The following PAXBP1 variants were observed in gnomAD, a reference collection of about 807,000 sequenced individuals.
The protein encoded by PAXBP1 is PAX3- and PAX7-binding protein 1.
PAXBP1 carries 44 observed loss-of-function variants against 119.9 expected under a neutral mutation model. The ratio of observed to expected loss-of-function variants is 0.37; its 90% confidence interval spans 0.29 to 0.47. The LOEUF (loss-of-function observed/expected upper bound fraction) is 0.47, where lower values mean the gene tolerates loss of function less well. PAXBP1 is among the 20% of genes least tolerant of loss of function. The pLI is 0.99. For synonymous variants in PAXBP1, 393 were observed against 406.6 expected, an observed-to-expected ratio of 0.97 and a Z score of 0.40; for missense variants, 898 against 1,134.1, an observed-to-expected ratio of 0.79 and a Z score of 2.99.
At position 32,771,656 on chromosome 21, in the gene PAXBP1, C is replaced by G; in HGVS notation, c.13G>C (p.Ala5Pro). The G allele has an allele frequency of 2.1e-6, 3 of 1,428,942 alleles. No homozygotes were observed. Among genetic ancestry groups the G allele is most frequent in the Non-Finnish European group, 2.7e-6 (3 of 1,094,484 alleles). 88.5% of individuals were successfully genotyped at this position (1,428,942 alleles called of 1,614,324 possible). The change falls in exon 1 of 18, where the codon GCC becomes CCC. Residue 5 changes from alanine to proline, a missense_variant. Ala to Pro is a conservative substitution (Grantham distance 27). Coordinates refer to ENST00000331923, the MANE Select transcript of PAXBP1 (RefSeq NM_016631.4). ...CGCTTGCGCACGTTCACCCGCCGGG[C>G]CTTTCGGAACATCCCCGCGGCCCGC... MFRK[A>P]RRVNVRKRND...
Position 32,771,754 on chromosome 21 carries a change from C to G in PAXBP1, c.-86G>C, listed in dbSNP as rs1601618287. 5 of 1,197,470 alleles carry G rather than the reference C, an allele frequency of 4.2e-6. No homozygotes were observed. The highest frequency in any genetic ancestry group is 6.3e-5 in the East Asian group (2 of 31,552). 74.2% of individuals were successfully genotyped at this position (1,197,470 alleles called of 1,614,324 possible). A position where few individuals can be genotyped will look rare whatever the true frequency, so the allele number is the denominator to read the frequency against. On this transcript the variant is annotated 5_prime_UTR_variant, in exon 1 of 18. Transcript: ENST00000331923. ...GCTCGTGACGGCGCACGCGCGCTCT[C>G]CGGAGCTCCAGCCGGGTCGAGTCCT...
At chr21:32,748,088 A>G (rs1264249054) in intron 11 of PAXBP1, among the ~76,000 whole-genome samples, 1 of 151,896 alleles carries the variant, frequency 6.6e-6, no homozygotes, top group Non-Finnish European at 1.5e-5. Flanking sequence ...TGCCTGGCCT[A>G]TCAATTTTTC....
intron 7 of PAXBP1, chr21:32,755,739 T>C (rs2044033581): frequency 6.2e-6 from 1 of 161,000 alleles, no homozygotes; most frequent in Non-Finnish European, 1.4e-5. Flanking sequence ...TTGCGATTTT[T>C]GTAGTTCAAA....
chr21:32,752,978 A>G (rs1481932505), intron 8 of PAXBP1, among the ~76,000 whole-genome samples: 1 of 152,056 alleles, frequency 6.6e-6, no homozygotes, highest in Non-Finnish European at 1.5e-5. Flanking sequence ...ATTTCAAAAT[A>G]GCTCTGAAAT....
intron 11 of PAXBP1, 96 bp downstream of exon 11, chr21:32,748,403 A>G (rs564973557): frequency 8.2e-7 from 1 of 1,221,272 alleles, no homozygotes; most frequent in African/African-American, 1.5e-5. Flanking sequence ...TCACCCCTGC[A>G]AAATATTTTG....
At chr21:32,766,912 G>A (rs546409394) in intron 2 of PAXBP1, among the ~76,000 whole-genome samples, 2 of 152,234 alleles carry the variant, frequency 1.3e-5, no homozygotes, top group Admixed American at 6.5e-5. Context: ...TCACACAAGC[G>A]ACCATCATCT....
At chr21:32,744,130 C>T (rs993539511) in intron 13 of PAXBP1, among the ~76,000 whole-genome samples, 9 of 151,942 alleles carry the variant, frequency 5.9e-5, no homozygotes, top group Non-Finnish European at 1.2e-4. Context: ...AGTTATAAAA[C>T]AGTATCTAGT....
At chr21:32,738,057 G>A (rs1325664935) in intron 16 of PAXBP1, 116 bp downstream of exon 16, 2 of 1,068,102 alleles carry the variant, frequency 1.9e-6, no homozygotes, top group Non-Finnish European at 2.6e-6. Context: ...AACCTTACAT[G>A]CAAGTCCAGT....
In PAXBP1 at chr21:32,771,442, C is replaced by G. The variant is rs1244268746; in HGVS notation, c.227G>C (p.Gly76Ala). ...CTCCGCGCCGCCGGGGAAGCCGCCC[C>G]CGGCCTCAGCCCCGAGGCCCGGGGT... ...ALTPGLGAEA[G>A]GGFPGGAEPG... Residue 76 changes from glycine (G) to alanine (A), a missense_variant, in exon 1 of 18, where the codon GGG (glycine) becomes GCG (alanine). Around this residue, in one of 2 missense-constraint regions of PAXBP1, gnomAD observed 299 missense variants for 281.4 expected, o/e 1.06. Coordinates refer to ENST00000331923, the MANE Select transcript of PAXBP1 (RefSeq NM_016631.4). 11 of 1,499,286 alleles carry G rather than the reference C, an allele frequency of 7.3e-6. No homozygotes were observed. Among genetic ancestry groups the G allele is most frequent in the Non-Finnish European group, 9.7e-6 (11 of 1,132,984 alleles). The allele number at this position is 1,499,286 out of a possible 1,614,324, so 92.9% of individuals were successfully genotyped here.
At position 32,734,927 on chromosome 21, in the gene PAXBP1, A is replaced by C. The variant is rs1365014512; in HGVS notation, c.*23T>G. 2 of 1,559,900 alleles carry C rather than the reference A, an allele frequency of 1.3e-6. No homozygotes were observed. Among genetic ancestry groups the C allele is most frequent in the Admixed American group, 3.3e-5 (2 of 59,774 alleles). On this transcript the variant is annotated 3_prime_UTR_variant, in exon 18 of 18. Transcript: ENST00000331923. ...CACATTGGGAATGGTAATCAAGCAA[A>C]TAGGTTTTTCAGTCTCATAGATCTA...
chr21:32,743,159 G>T, intron 15 of PAXBP1, 89 bp downstream of exon 15: 2 of 899,590 alleles, frequency 2.2e-6, no homozygotes, highest in Non-Finnish European at 3.6e-6. Context: ...CTAAGCCTAT[G>T]GAGTTAATAA....
At chr21:32,751,561 T>C in intron 8 of PAXBP1, 1 of 171,238 alleles carries the variant, frequency 5.8e-6, no homozygotes, top group Admixed American at 5.8e-5. Context: ...CTAAATTACC[T>C]GTGCAAAGGG....
chr21:32,750,790 G>A (rs2146489107), intron 10 of PAXBP1, 127 bp downstream of exon 10: 1 of 667,716 alleles, frequency 1.5e-6, no homozygotes, highest in East Asian at 2.8e-5. Flanking sequence ...GCAAATTTCT[G>A]CAATTAAAAA....
Position 32,743,324 on chromosome 21 carries a change from A to T in PAXBP1, c.2268-10T>A, listed in dbSNP as rs1454719881. ...TTTATTTTCTAAGACACTAAGTAAA[A>T]AAAAGAGAAACATATCATGATCAGA... On this transcript the variant is annotated splice_polypyrimidine_tract_variant and intron_variant, in intron 14 of 17. Transcript: ENST00000331923. 6.6e-7 allele frequency: 1 copy of T among 1,520,622 alleles called. No homozygotes were observed. Among genetic ancestry groups the T allele is most frequent in the East Asian group, 2.3e-5 (1 of 43,974 alleles). The allele number at this position is 1,520,622 out of a possible 1,614,324, so 94.2% of individuals were successfully genotyped here.
rs1201761835 is a variant in PAXBP1 at position 32,760,117 on chromosome 21, T to C, written c.976-123A>G. On this transcript the variant is annotated intron_variant, in intron 5 of 17. Coordinates refer to ENST00000331923, the MANE Select transcript of PAXBP1 (RefSeq NM_016631.4). Reference sequence around the variant, plus strand: ...CTATTTGCCAAATATTATGTAATAATTGCAGAATTCTTCAAAATTAGATAA... The same window carrying C: ...CTATTTGCCAAATATTATGTAATAACTGCAGAATTCTTCAAAATTAGATAA... 6 of 709,266 alleles carry C rather than the reference T, an allele frequency of 8.5e-6. No homozygotes were observed. In the African/African-American group the frequency reaches 1.1e-4, roughly 13 times the overall value. 43.9% of individuals were successfully genotyped at this position (709,266 alleles called of 1,614,324 possible).
intron 8 of PAXBP1, among the ~76,000 whole-genome samples, chr21:32,754,751 C>G (rs2044016456): frequency 6.6e-6 from 1 of 152,136 alleles, no homozygotes; most frequent in Non-Finnish European, 1.5e-5. Flanking sequence ...AAGCTCAAAA[C>G]TCTCCTATCT....
intron 2 of PAXBP1, among the ~76,000 whole-genome samples, chr21:32,767,629 A>G (rs1713393380): frequency 6.6e-6 from 1 of 152,216 alleles, no homozygotes; most frequent in Non-Finnish European, 1.5e-5. Context: ...ATGACAGTGA[A>G]TAAGTCTCAC....
In PAXBP1 at chr21:32,735,041, A is replaced by G. The variant is rs1302257917; in HGVS notation, c.2663T>C (p.Leu888Pro). ...ARENIKQIVK[L>P]LASVRALDHA... is the part of the protein sequence containing the mutation. ...ATCCAAAGCTCGAACACTTGCAAGGAGTTTTACTATCTGTTTTATGTTTTC... is the reference window on the plus strand; with the variant it reads ...ATCCAAAGCTCGAACACTTGCAAGGGGTTTTACTATCTGTTTTATGTTTTC... Residue 888 changes from leucine (L) to proline (P), a missense_variant, in exon 18 of 18, where the codon CTC (leucine) becomes CCC (proline). Leu to Pro is a moderately conservative substitution (Grantham distance 98). This residue lies in a region of PAXBP1 where 599 missense variants were observed against 852.7 expected (regional missense o/e 0.70). Transcript: ENST00000331923. The G allele has an allele frequency of 6.2e-7, 1 of 1,613,358 alleles. No homozygotes were observed. Among genetic ancestry groups the G allele is most frequent in the Non-Finnish European group, 8.5e-7 (1 of 1,179,642 alleles).
rs568288302 is a variant in PAXBP1, at chr21:32,768,891, T to C, written c.472+923A>G. Among the ~76,000 whole-genome samples the C allele has an allele frequency of 2.9e-3, 435 of 152,338 alleles. 2 individuals are homozygous for C. Among genetic ancestry groups the C allele is most frequent in the Non-Finnish European group, 4.5e-3 (307 of 68,030 alleles). ...AAACAGCTTTAGTCATTTTAATCCT[T>C]GATCATACCCCCAATACCTTCCCTT... On this transcript the variant is annotated intron_variant, in intron 2 of 17. Transcript: ENST00000331923.
Sources: gnomAD v4.1 joint callset for allele counts (sites outside exome capture counted in the v4.1 genomes callset) on GRCh38, gnomAD v4.1.1 for gene constraint, gnomAD v4.1.1 regional missense constraint, MANE v1.5 for transcripts, NCBI Gene and HGNC (gene_info 2026-07-23, HGNC 2026-07-21) for gene names.